Variants in ATP1A4 observed in about 807,000 individuals in gnomAD.
ATP1A4 encodes the protein sodium/potassium-transporting ATPase subunit alpha-4.
A neutral mutation model predicts 114.3 loss-of-function variants in ATP1A4; 90 were observed. The ratio of observed to expected loss-of-function variants is 0.79; its 90% CI spans 0.66 to 0.94. The LOEUF (loss-of-function observed/expected upper bound fraction) is 0.94, where lower values mean the gene tolerates loss of function less well. Ranked by LOEUF, ATP1A4 falls within the 40% of genes least tolerant of loss-of-function variation. The pLI is 0.00. For synonymous variants in ATP1A4, 511 were observed against 494.1 expected, an observed-to-expected ratio of 1.03 and a Z score of -0.45; for missense variants, 1,222 against 1,313.6, an observed-to-expected ratio of 0.93 and a Z score of 1.08.
chr1:160,158,519 G>A (rs1307009027), intron 4 of ATP1A4, among the ~76,000 whole-genome samples: 4 of 152,152 alleles, frequency 2.6e-5, no homozygotes, highest in Admixed American at 2.6e-4. Flanking sequence ...TGGGACTACA[G>A]GTGCATGCCA....
intron 10 of ATP1A4, 142 bp from the exon 11 acceptor site, chr1:160,171,109 G>A (rs879324345): frequency 2.7e-5 from 19 of 705,312 alleles, no homozygotes; most frequent in African/African-American, 7.1e-5. Flanking sequence ...AACCTGGGGC[G>A]AGATGTGACT....
chr1:160,164,105 A>T, intron 6 of ATP1A4, 51 bp from the exon 7 acceptor site: 2 of 1,591,432 alleles, frequency 1.3e-6, no homozygotes, highest in Non-Finnish European at 1.7e-6. Context: ...CAATATCTAT[A>T]CTTCTTATCA....
chr1:160,179,466 T>C (rs1432151294), intron 18 of ATP1A4, among the ~76,000 whole-genome samples: 1 of 152,204 alleles, frequency 6.6e-6, no homozygotes, highest in Non-Finnish European at 1.5e-5. Flanking sequence ...TCTTGAAGTG[T>C]CACAAAAATG....
chr1:160,160,211 C>A (rs752750182), intron 6 of ATP1A4, among the ~76,000 whole-genome samples: 2 of 152,132 alleles, frequency 1.3e-5, no homozygotes, highest in East Asian at 1.9e-4. Context: ...AAAAATAGTT[C>A]TTTTGTTTGT....
intron 9 of ATP1A4, 94 bp from the exon 10 acceptor site, chr1:160,167,184 C>A: frequency 1.3e-6 from 2 of 1,559,896 alleles, no homozygotes; most frequent in Admixed American, 1.7e-5. Context: ...GGTACCCGCC[C>A]TCCCCATTTG....
chr1:160,175,513 A>G lies in ATP1A4; in HGVS notation c.2312-579A>G, dbSNP rs60363481. On this transcript the variant is annotated intron_variant, in intron 15 of 21. Transcript: ENST00000368081. ...AGACACAAATCCCTGCCCTCGTGTAACTTAATTTCTAGTGGGGATGACAAA... is the reference window on the plus strand; with the variant it reads ...AGACACAAATCCCTGCCCTCGTGTAGCTTAATTTCTAGTGGGGATGACAAA... Among the ~76,000 whole-genome samples, 663 of 152,142 alleles carry G rather than the reference A, an allele frequency of 4.4e-3. 2 individuals carry two copies. The highest frequency in any genetic ancestry group is 0.015 in the African/African-American group (630 of 41,510).
At position 160,173,707 on chromosome 1, in the gene ATP1A4, G is replaced by C; in HGVS notation, c.1981G>C (p.Val661Leu). 1 of 1,614,102 alleles carries C rather than the reference G, an allele frequency of 6.2e-7. No individual in the cohort carries two copies. Among genetic ancestry groups the C allele is most frequent in the Non-Finnish European group, 8.5e-7 (1 of 1,180,004 alleles). The change falls in exon 13 of 22, where the codon GTC (valine) becomes CTC (leucine). Residue 661 changes from valine (V) to leucine (L), a missense_variant. Coordinates refer to ENST00000368081, the MANE Select transcript of ATP1A4 (RefSeq NM_144699.4). ...CCGGCTTAAGATCCCTATCAGCAAG[G>C]TCGATGCCAGGTGAGATCACTAAAG... ...AARLKIPISK[V>L]DASAAKAIVV...
Position 160,153,230 on chromosome 1 carries a change from T to C in ATP1A4, c.207+6T>C. On this transcript the variant is annotated splice_donor_region_variant and intron_variant, in intron 2 of 21. Transcript: ENST00000368081. Reference sequence around the variant, plus strand: ...ACTCCGTGGACCTGACAAAGGTGAGTAAGAAGCTCCCTGAGGAGGCAGAGA... The same window carrying C: ...ACTCCGTGGACCTGACAAAGGTGAGCAAGAAGCTCCCTGAGGAGGCAGAGA... The C allele has an allele frequency of 6.2e-7, 1 of 1,612,874 alleles. No homozygotes were observed. Among genetic ancestry groups the C allele is most frequent in the African/African-American group, 1.3e-5 (1 of 74,912 alleles).
chr1:160,155,938 G>A (rs1024597544), intron 3 of ATP1A4, 107 bp from the exon 4 acceptor site: 42 of 696,260 alleles, frequency 6.0e-5, no homozygotes, highest in Non-Finnish European at 8.9e-5. Context: ...TCAGTCTTAC[G>A]GTCTCTTACA....
intron 7 of ATP1A4, 95 bp from the exon 8 acceptor site, chr1:160,166,433 C>T (rs1235222088): frequency 6.8e-7 from 1 of 1,463,836 alleles, no homozygotes; most frequent in Non-Finnish European, 9.2e-7. Context: ...TACAAAAAAT[C>T]AAAATAGCAT....
chr1:160,160,995 A>G (rs933724960), intron 6 of ATP1A4, among the ~76,000 whole-genome samples: 1 of 152,162 alleles, frequency 6.6e-6, no homozygotes, highest in Non-Finnish European at 1.5e-5. Context: ...AGCTAAGTAT[A>G]TGTTCAGATA....
chr1:160,178,456 T>G (rs1048806201), intron 18 of ATP1A4, among the ~76,000 whole-genome samples: 11 of 151,122 alleles, frequency 7.3e-5, no homozygotes, highest in African/African-American at 2.7e-4. Flanking sequence ...GCAGGCAGAT[T>G]ACAAGGTCAA....
intron 20 of ATP1A4, among the ~76,000 whole-genome samples, chr1:160,186,046 G>A (rs907564406): frequency 1.6e-5 from 2 of 124,908 alleles, no homozygotes; most frequent in African/African-American, 6.1e-5. Context: ...AGTGAGCCGA[G>A]ATTGCACTCC....
intron 18 of ATP1A4, among the ~76,000 whole-genome samples, chr1:160,179,922 A>T (rs1653619475): frequency 6.6e-6 from 1 of 152,222 alleles, no homozygotes; most frequent in African/African-American, 2.4e-5. Flanking sequence ...TCAGAGAGAG[A>T]AAGATGCTTG....
At position 160,173,663 on chromosome 1, in the gene ATP1A4, C is replaced by G. The variant is rs143728357; in HGVS notation, c.1937C>G (p.Thr646Arg). 3 of 1,614,148 alleles carry G rather than the reference C, an allele frequency of 1.9e-6. No homozygotes were observed. The African/African-American group carries it at 4.0e-5, about 22-fold the overall frequency. The change falls in exon 13 of 22, where the codon ACG (threonine) becomes AGG (arginine). Residue 646 changes from threonine (T) to arginine (R), a missense_variant. By Grantham distance (71) the Thr-to-Arg change is moderately conservative (BLOSUM62 -1). Coordinates refer to ENST00000368081, the MANE Select transcript of ATP1A4 (RefSeq NM_144699.4). ...GVGIISEGTE[T>R]AEEVAARLKI... ...GGCATCATCTCAGAAGGCACTGAGA[C>G]GGCAGAGGAAGTCGCTGCCCGGCTT...
chr1:160,153,089 C>A, intron 1 of ATP1A4, 76 bp from the exon 2 acceptor site: 1 of 1,188,180 alleles, frequency 8.4e-7, no homozygotes, highest in Non-Finnish European at 1.3e-6. Context: ...TAACATTCTC[C>A]AGTCTGTTTC....
rs767815841 is a variant in ATP1A4 at position 160,167,402 on chromosome 1, A to G, written c.1481A>G (p.Asn494Ser). The G allele has an allele frequency of 5.6e-6, 9 of 1,612,798 alleles. No individual in the cohort carries two copies. Among genetic ancestry groups the G allele is most frequent in the Non-Finnish European group, 7.6e-6 (9 of 1,179,692 alleles). The change falls in exon 10 of 22, where the codon AAC becomes AGC. Residue 494 changes from asparagine (N) to serine (S), a missense_variant. By Grantham distance (46) the Asn-to-Ser change is conservative. Transcript: ENST00000368081. ...KVAEIPFNST[N>S]KYQMSIHLRE... Reference sequence around the variant, plus strand: ...GCAGAGATTCCCTTTAATTCTACCAACAAGTACCAGGTACAGAACCCACAA... The same window carrying G: ...GCAGAGATTCCCTTTAATTCTACCAGCAAGTACCAGGTACAGAACCCACAA...
At chr1:160,157,950 C>A (rs895551252) in intron 4 of ATP1A4, among the ~76,000 whole-genome samples, 2 of 152,112 alleles carry the variant, frequency 1.3e-5, no homozygotes, top group African/African-American at 4.8e-5. Context: ...GGAATAGGCT[C>A]CACATTTTCC....
intron 12 of ATP1A4, 149 bp downstream of exon 12, chr1:160,171,906 G>A: frequency 1.2e-6 from 1 of 800,204 alleles, no homozygotes; most frequent in Non-Finnish European, 1.9e-6. Context: ...TTAATAGTAA[G>A]TTTCCTCTCC....
Sources: gnomAD v4.1 joint callset for allele counts (sites outside exome capture counted in the v4.1 genomes callset) on GRCh38, gnomAD v4.1.1 for gene constraint, MANE v1.5 for transcripts, NCBI Gene and HGNC (gene_info 2026-07-23, HGNC 2026-07-21) for gene names.